Variants in TMEM45B observed in about 807,000 individuals in gnomAD.
TMEM45B encodes transmembrane protein 45B.
In TMEM45B, 29 loss-of-function variants were observed where a neutral mutation model predicts 27.3. That is an observed-to-expected ratio of 1.06 (90% CI 0.79 to 1.45). The LOEUF is 1.45. Among genes scored for constraint, TMEM45B ranks in the 40% most tolerant of loss-of-function variants. The pLI is 0.00. For synonymous variants in TMEM45B, 143 were observed against 134.7 expected, an observed-to-expected ratio of 1.06 and a Z score of -0.43; for missense variants, 348 against 343.9, an observed-to-expected ratio of 1.01 and a Z score of -0.09.
chr11:129,817,477 G>T (rs554962149), intron 1 of TMEM45B, among the ~76,000 whole-genome samples: 6 of 152,312 alleles, frequency 3.9e-5, no homozygotes, highest in African/African-American at 1.4e-4. Context: ...TACAAGTGGA[G>T]GTGACTGAGA....
intron 1 of TMEM45B, among the ~76,000 whole-genome samples, chr11:129,847,404 G>GTTATTTTT: frequency 1.4e-5 from 2 of 147,976 alleles, no homozygotes; most frequent in African/African-American, 5.1e-5. Context: ...AGCTTATGAA[G>GTTATTTTT]TTATTTTTTT....
At chr11:129,851,330 G>A (rs1160956727) in intron 1 of TMEM45B, among the ~76,000 whole-genome samples, 3 of 151,684 alleles carry the variant, frequency 2.0e-5, no homozygotes, top group Non-Finnish European at 4.4e-5. Context: ...GATCACCTAA[G>A]GTCAGGAGTT....
At chr11:129,841,492 G>C (rs1333387862) in intron 1 of TMEM45B, among the ~76,000 whole-genome samples, 1 of 152,070 alleles carries the variant, frequency 6.6e-6, no homozygotes, top group Non-Finnish European at 1.5e-5. Flanking sequence ...GCCCAGCAAG[G>C]GAGATAAGGG....
intron 1 of TMEM45B, among the ~76,000 whole-genome samples, chr11:129,824,361 G>T (rs1035230676): frequency 6.6e-6 from 1 of 152,108 alleles, no homozygotes; most frequent in African/African-American, 2.4e-5. Flanking sequence ...CAATATGTCT[G>T]TATCTGTTTT....
At position 129,859,717 on chromosome 11, in the gene TMEM45B, G is replaced by C. The variant is rs1947982448; in HGVS notation, c.*1032G>C. ...CGCCTGTAGTTCCAGCTACTCGGGAGGCTGAGGCAAGAGAATGGCATGAAC... is the reference window on the plus strand; with the variant it reads ...CGCCTGTAGTTCCAGCTACTCGGGACGCTGAGGCAAGAGAATGGCATGAAC... On this transcript the variant is annotated 3_prime_UTR_variant, in exon 6 of 6. Coordinates refer to ENST00000281441, the MANE Select transcript of TMEM45B (RefSeq NM_138788.5). 2.0e-5 allele frequency: 3 copies of C among 152,206 alleles called. No individual in the cohort carries two copies. Among genetic ancestry groups the C allele is most frequent in the Admixed American group, 2.0e-4 (3 of 15,276 alleles). 9.4% of individuals were successfully genotyped at this position (152,206 alleles called of 1,614,324 possible).
intron 1 of TMEM45B, among the ~76,000 whole-genome samples, chr11:129,832,175 C>G (rs758723715): frequency 1.3e-5 from 2 of 151,708 alleles, no homozygotes; most frequent in African/African-American, 4.8e-5. Context: ...TCAAGACCAT[C>G]CTAGCTAACA....
chr11:129,823,949 T>A (rs995078740), intron 1 of TMEM45B, among the ~76,000 whole-genome samples: 1 of 152,224 alleles, frequency 6.6e-6, no homozygotes, highest in Admixed American at 6.5e-5. Flanking sequence ...CTCTTTGATC[T>A]GTTCTAATGG....
chr11:129,836,510 T>C (rs1947621839), intron 1 of TMEM45B, among the ~76,000 whole-genome samples: 1 of 152,092 alleles, frequency 6.6e-6, no homozygotes, highest in African/African-American at 2.4e-5. Context: ...CTCTCCAAAT[T>C]CAAATGTTGA....
chr11:129,851,131 T>C (rs1792880631), intron 1 of TMEM45B, among the ~76,000 whole-genome samples: 1 of 152,190 alleles, frequency 6.6e-6, no homozygotes. Flanking sequence ...GAGGGCTGCA[T>C]CCTCACATGC....
chr11:129,857,463 G>A lies in TMEM45B; in HGVS notation c.716+5G>A, dbSNP rs1361182513. On this transcript the variant is annotated splice_donor_5th_base_variant and intron_variant, in intron 5 of 5. Transcript: ENST00000281441. ...CAACTATTCTCTTGTTTACTGGTAT[G>A]TCTGAGACTTCAGTGAAGCTTTTCC... The A allele has an allele frequency of 6.2e-7, 1 of 1,614,004 alleles. No individual in the cohort carries two copies. Among genetic ancestry groups the A allele is most frequent in the Admixed American group, 1.7e-5 (1 of 60,020 alleles).
chr11:129,836,441 AT>A (rs1704508777), intron 1 of TMEM45B, among the ~76,000 whole-genome samples: 1 of 152,158 alleles, frequency 6.6e-6, no homozygotes, highest in Non-Finnish European at 1.5e-5. Flanking sequence ...TATTTTGCAT[AT>A]GAGAAGGATA....
chr11:129,827,757 G>A (rs1269721925), intron 1 of TMEM45B, among the ~76,000 whole-genome samples: 2 of 152,120 alleles, frequency 1.3e-5, no homozygotes, highest in African/African-American at 4.8e-5. Flanking sequence ...AGCTGAGACT[G>A]CACCATTGCA....
At chr11:129,848,487 T>G (rs908114789) in intron 1 of TMEM45B, among the ~76,000 whole-genome samples, 2 of 151,528 alleles carry the variant, frequency 1.3e-5, no homozygotes, top group Non-Finnish European at 2.9e-5. Context: ...CGGCTCGGCA[T>G]GAAAGGGAGA....
At chr11:129,835,047 A>G (rs1026056166) in intron 1 of TMEM45B, among the ~76,000 whole-genome samples, 3 of 152,204 alleles carry the variant, frequency 2.0e-5, no homozygotes, top group Admixed American at 2.0e-4. Flanking sequence ...CTTATAAATG[A>G]TGAACTTGGA....
At chr11:129,825,002 G>A (rs1018836137) in intron 1 of TMEM45B, among the ~76,000 whole-genome samples, 1 of 152,128 alleles carries the variant, frequency 6.6e-6, no homozygotes. Flanking sequence ...GCCACATTCA[G>A]GTATACCCAA....
At chr11:129,833,099 G>A (rs1219905068) in intron 1 of TMEM45B, among the ~76,000 whole-genome samples, 2 of 151,618 alleles carry the variant, frequency 1.3e-5, no homozygotes, top group South Asian at 2.1e-4. Flanking sequence ...AAAATTACCC[G>A]GTTGTGGTGG....
intron 1 of TMEM45B, among the ~76,000 whole-genome samples, chr11:129,845,257 T>C (rs2135586688): frequency 8.0e-6 from 1 of 124,946 alleles, no homozygotes; most frequent in Non-Finnish European, 1.7e-5. Context: ...TAATGGCTTA[T>C]TTTGTGTGTG....
intron 1 of TMEM45B, among the ~76,000 whole-genome samples, chr11:129,838,252 G>A (rs935657837): frequency 6.6e-6 from 1 of 152,084 alleles, no homozygotes; most frequent in African/African-American, 2.4e-5. Flanking sequence ...TGATACTCCG[G>A]GCCACAAGAG....
intron 2 of TMEM45B, among the ~76,000 whole-genome samples, chr11:129,854,246 G>A (rs566579993): frequency 7.2e-5 from 11 of 152,320 alleles, no homozygotes; most frequent in Non-Finnish European, 1.6e-4. Flanking sequence ...ACTTGGCAGG[G>A]AAGCCCAGAG....
Sources: allele counts gnomAD v4.1 joint callset (sites outside exome capture counted in the v4.1 genomes callset), GRCh38; gene constraint gnomAD v4.1.1; transcripts MANE v1.5; gene names NCBI Gene and HGNC (gene_info 2026-07-23, HGNC 2026-07-21).